The following KLHL4 variants were observed in gnomAD, a reference collection of about 807,000 sequenced individuals.
KLHL4 encodes kelch-like protein 4.
KLHL4 carries 17 observed loss-of-function variants against 45.8 expected under a neutral mutation model. The ratio of observed to expected loss-of-function variants is 0.37; its 90% CI spans 0.25 to 0.56. KLHL4 has a LOEUF of 0.56. Ranked by LOEUF, KLHL4 falls within the 20% of genes least tolerant of loss-of-function variation. The pLI is 0.79. For missense variants in KLHL4, 544 were observed against 544.9 expected (o/e 1.00, Z 0.02); for synonymous variants, 224 against 189.9 (o/e 1.18, Z -1.47).
intron 6 of KLHL4, among the ~76,000 whole-genome samples, chrX:87,626,655 A>AAG (rs1382276535): frequency 3.6e-5 from 4 of 109,967 alleles, no homozygotes; most frequent in Non-Finnish European, 7.6e-5. Flanking sequence ...TAGCTTTAAA[A>AAG]AAAAAAAAAA....
At chrX:87,520,645 C>T (rs1050005850) in intron 1 of KLHL4, among the ~76,000 whole-genome samples, 2 of 111,871 alleles carry the variant, frequency 1.8e-5, no homozygotes, top group African/African-American at 6.5e-5. Flanking sequence ...TTAGGAATAG[C>T]TCTGTATTGT....
At chrX:87,534,529 C>T (rs1031999074) in intron 1 of KLHL4, among the ~76,000 whole-genome samples, 5 of 111,038 alleles carry the variant, frequency 4.5e-5, no homozygotes, top group East Asian at 5.7e-4. Flanking sequence ...GTTGACCAGG[C>T]GGATGCTTAA....
At chrX:87,635,509 G>A (rs896273857) in intron 8 of KLHL4, 54 bp from the exon 9 acceptor site, 15 of 932,063 alleles carry the variant, frequency 1.6e-5, no homozygotes, top group Admixed American at 1.4e-4. Context: ...TGCATTTTGT[G>A]TGTATATGTA....
At position 87,618,103 on chromosome X, in the gene KLHL4, T is replaced by A; in HGVS notation, c.899T>A (p.Leu300Gln). The A allele has an allele frequency of 8.3e-7, 1 of 1,203,994 alleles. No individual in the cohort carries two copies. The highest frequency in any genetic ancestry group is 1.1e-6 in the Non-Finnish European group (1 of 891,221). ...FGDAQGCTEL[L>Q]NVAHKYTMEH... ...GATGCCCAAGGCTGTACAGAACTTC[T>A]GAACGTGGCACACAAATACACTATG... Residue 300 changes from leucine (L) to glutamine (Q), a missense_variant, in exon 4 of 11, where the codon CTG becomes CAG. Coordinates refer to ENST00000373119, the MANE Select transcript of KLHL4 (RefSeq NM_019117.5).
intron 1 of KLHL4, among the ~76,000 whole-genome samples, chrX:87,610,176 T>C (rs951942886): frequency 1.8e-5 from 2 of 112,066 alleles, no homozygotes; most frequent in African/African-American, 6.5e-5. Context: ...TTGTTTCTCT[T>C]CATAGACCTT....
intron 7 of KLHL4, among the ~76,000 whole-genome samples, chrX:87,633,519 G>A (rs1418252800): frequency 9.0e-6 from 1 of 111,531 alleles, no homozygotes; most frequent in African/African-American, 3.3e-5. Flanking sequence ...TTTGACTTCA[G>A]TGTTACAACA....
chrX:87,639,127 C>G (rs1923365590), intron 9 of KLHL4, among the ~76,000 whole-genome samples: 1 of 111,448 alleles, frequency 9.0e-6, no homozygotes, highest in South Asian at 3.8e-4. Flanking sequence ...GATAAAAGAA[C>G]TAGTCCAACA....
intron 9 of KLHL4, among the ~76,000 whole-genome samples, chrX:87,655,924 T>C (rs1239244335): frequency 9.0e-6 from 1 of 111,500 alleles, no homozygotes; most frequent in African/African-American, 3.3e-5. Flanking sequence ...GCAAAATACT[T>C]TATTTCTTCT....
intron 1 of KLHL4, among the ~76,000 whole-genome samples, chrX:87,607,406 G>T (rs1272365793): frequency 8.1e-5 from 9 of 110,858 alleles, no homozygotes; most frequent in Admixed American, 4.8e-4. Flanking sequence ...TAGCCCTATT[G>T]GGTCTGCCAA....
chrX:87,547,618 C>T (rs1171258633), intron 1 of KLHL4, among the ~76,000 whole-genome samples: 2 of 110,315 alleles, frequency 1.8e-5, no homozygotes, highest in Admixed American at 9.7e-5. Context: ...GTCAGGAGAT[C>T]GAGACCATCC....
At position 87,669,360 on chromosome X, in the gene KLHL4, C is replaced by A; in HGVS notation, c.*2826C>A. On this transcript the variant is annotated 3_prime_UTR_variant, in exon 11 of 11. Transcript: ENST00000373119. ...CAAGAACTTCTACAAAACTTCTATA[C>A]CACACAGAAGCTGAAAGAGACTCTG... 1 of 1,207,000 alleles carries A rather than the reference C, an allele frequency of 8.3e-7. No individual in the cohort carries two copies. Among genetic ancestry groups the A allele is most frequent in the South Asian group, 1.8e-5 (1 of 56,796 alleles).
In KLHL4 at chrX:87,666,486, T is replaced by A. The variant is rs769451295; in HGVS notation, c.2109T>A (p.Val703=). Residue 703 remains valine, a synonymous_variant, in exon 11 of 11, where the codon GTT becomes GTA. Transcript: ENST00000373119. ...ATTTTGTGTTTTAGGAAGTTCCTGT[T>A]AACATTGGAAGAGCTGGTGCATGTG... ...QRNEWKEEVP[V]NIGRAGACVV... 4.2e-6 allele frequency: 5 copies of A among 1,189,022 alleles called. No homozygotes were observed. The East Asian group carries it at 1.2e-4, about 28-fold the overall frequency.
At chrX:87,624,496 A>T (rs1321540569) in intron 5 of KLHL4, among the ~76,000 whole-genome samples, 1 of 111,973 alleles carries the variant, frequency 8.9e-6, no homozygotes, top group African/African-American at 3.2e-5. Flanking sequence ...CAAAATAAAG[A>T]TCCATCAGAT....
At chrX:87,607,408 G>A (rs1245457618) in intron 1 of KLHL4, among the ~76,000 whole-genome samples, 1 of 110,938 alleles carries the variant, frequency 9.0e-6, no homozygotes, top group East Asian at 2.8e-4. Context: ...GCCCTATTGG[G>A]TCTGCCAACC....
At chrX:87,535,976 G>A (rs1462703756) in intron 1 of KLHL4, among the ~76,000 whole-genome samples, 4 of 110,058 alleles carry the variant, frequency 3.6e-5, no homozygotes, top group African/African-American at 6.6e-5. Context: ...CCTCCCAGAA[G>A]CCAAGCAGAT....
At chrX:87,647,770 G>A (rs1347047693) in intron 9 of KLHL4, among the ~76,000 whole-genome samples, 1 of 111,284 alleles carries the variant, frequency 9.0e-6, no homozygotes, top group East Asian at 2.8e-4. Context: ...TACACATTTG[G>A]TGATGGGTGC....
chrX:87,562,941 G>GA (rs1932132286), intron 1 of KLHL4, among the ~76,000 whole-genome samples: 1 of 111,029 alleles, frequency 9.0e-6, no homozygotes, highest in Non-Finnish European at 1.9e-5. Flanking sequence ...ATTTGCTTGG[G>GA]AAAAAGTAAG....
chrX:87,586,157 A>G (rs746800143), intron 1 of KLHL4, among the ~76,000 whole-genome samples: 1 of 111,475 alleles, frequency 9.0e-6, no homozygotes, highest in South Asian at 3.7e-4. Flanking sequence ...AGAGAGAGAT[A>G]GGACCCAGTA....
intron 8 of KLHL4, among the ~76,000 whole-genome samples, chrX:87,635,301 A>G (rs1251617748): frequency 2.7e-5 from 3 of 111,482 alleles, no homozygotes; most frequent in Non-Finnish European, 5.6e-5. Context: ...TTATTCAATT[A>G]TGTTAAAATG....
Sources: allele counts gnomAD v4.1 joint callset (sites outside exome capture counted in the v4.1 genomes callset), GRCh38; gene constraint gnomAD v4.1.1; transcripts MANE v1.5; gene names NCBI Gene and HGNC (gene_info 2026-07-23, HGNC 2026-07-21).